The following SHISA9 variants were observed in gnomAD, a reference collection of about 807,000 sequenced individuals.
SHISA9 encodes protein shisa-9.
A neutral mutation model predicts 38.0 loss-of-function variants in SHISA9; 13 were observed. That is an observed-to-expected ratio of 0.34 (90% CI 0.22 to 0.54). SHISA9 has a LOEUF of 0.54. Ranked by LOEUF, SHISA9 falls within the 20% of genes least tolerant of loss-of-function variation. The pLI is 0.91. For missense variants in SHISA9, 538 were observed against 575.8 expected (o/e 0.93, Z 0.67); for synonymous variants, 275 against 242.0 (o/e 1.14, Z -1.27).
the SHISA9 span, among the ~76,000 whole-genome samples, chr16:13,507,885 G>A: frequency 4.6e-5 from 7 of 152,312 alleles, no homozygotes; most frequent in African/African-American, 1.2e-4. Context: ...TTCCAAAGCC[G>A]TCCGTGCCTT....
At chr16:13,143,873 T>G (rs2050424139) in intron 2 of SHISA9, among the ~76,000 whole-genome samples, 1 of 152,190 alleles carries the variant, frequency 6.6e-6, no homozygotes, top group East Asian at 1.9e-4. Flanking sequence ...TTGACCATGG[T>G]GGGGATATTT....
the SHISA9 span, among the ~76,000 whole-genome samples, chr16:13,418,975 G>A: frequency 1.3e-5 from 2 of 152,190 alleles, no homozygotes; most frequent in African/African-American, 4.8e-5. Flanking sequence ...AAATAAAGTG[G>A]GGACATCCTA....
intron 2 of SHISA9, among the ~76,000 whole-genome samples, chr16:13,113,280 A>G (rs1180317872): frequency 6.6e-6 from 1 of 151,942 alleles, no homozygotes. Flanking sequence ...CCTAAACTAA[A>G]GTGTTTTCAT....
chr16:13,427,595 A>G, the SHISA9 span, among the ~76,000 whole-genome samples: 55,193 of 152,038 alleles, frequency 0.36, 10,245 homozygotes, highest in Non-Finnish European at 0.39. Flanking sequence ...CATTCCAGGA[A>G]AAAGTAGAGG....
chr16:13,193,746 T>A (rs549877548), intron 2 of SHISA9, among the ~76,000 whole-genome samples: 1 of 152,324 alleles, frequency 6.6e-6, no homozygotes, highest in East Asian at 1.9e-4. Flanking sequence ...GGAAACCCAG[T>A]CCACACAACT....
intron 2 of SHISA9, among the ~76,000 whole-genome samples, chr16:12,988,744 C>T (rs535409757): frequency 5.9e-5 from 9 of 152,054 alleles, no homozygotes; most frequent in Admixed American, 1.3e-4. Flanking sequence ...AGGCTGATCT[C>T]GAACCCCTGA....
At chr16:13,166,213 C>G (rs1253265242) in intron 2 of SHISA9, among the ~76,000 whole-genome samples, 1 of 152,226 alleles carries the variant, frequency 6.6e-6, no homozygotes, top group Non-Finnish European at 1.5e-5. Flanking sequence ...TCTCTCAACT[C>G]TAGCAACGTC....
rs148903423 is a variant in SHISA9 at position 13,048,855 on chromosome 16, G to A, written c.691+132040G>A. Among the ~76,000 whole-genome samples, 7 of 152,336 alleles carry A rather than the reference G, an allele frequency of 4.6e-5. No homozygotes were observed. The East Asian group carries it at 1.4e-3, about 29-fold the overall frequency. ...TTATGAGATATAACTGCTTGAATATGTGAGGGATTTATTGAGTCGATCATT... is the reference window on the plus strand; with the variant it reads ...TTATGAGATATAACTGCTTGAATATATGAGGGATTTATTGAGTCGATCATT... On this transcript the variant is annotated intron_variant, in intron 2 of 4. Coordinates refer to ENST00000558583, the MANE Select transcript of SHISA9 (RefSeq NM_001145204.3).
chr16:12,987,033 G>C (rs940354923), intron 2 of SHISA9, among the ~76,000 whole-genome samples: 2 of 152,152 alleles, frequency 1.3e-5, no homozygotes, highest in African/African-American at 4.8e-5. Context: ...CTGTTTCCTG[G>C]TCATCTCAAT....
At chr16:13,528,200 G>A in the SHISA9 span, among the ~76,000 whole-genome samples, 2 of 152,036 alleles carry the variant, frequency 1.3e-5, no homozygotes, top group African/African-American at 2.4e-5. Flanking sequence ...TCATAGACCC[G>A]AGCATGAATG....
the SHISA9 span, among the ~76,000 whole-genome samples, chr16:13,394,954 T>G: frequency 1.4e-5 from 2 of 146,168 alleles, no homozygotes; most frequent in Non-Finnish European, 2.9e-5. Flanking sequence ...TGTGTGTGTG[T>G]GTGTGTGTGT....
At chr16:12,946,838 G>A (rs1165697812) in intron 2 of SHISA9, among the ~76,000 whole-genome samples, 1 of 152,244 alleles carries the variant, frequency 6.6e-6, no homozygotes, top group African/African-American at 2.4e-5. Context: ...TAGGGCAGGA[G>A]GCAGCAACTA....
the SHISA9 span, among the ~76,000 whole-genome samples, chr16:13,524,112 T>C: frequency 6.6e-6 from 1 of 152,160 alleles, no homozygotes; most frequent in Admixed American, 6.5e-5. Context: ...TATGCTATAC[T>C]GCCTTATTAA....
At chr16:13,197,102 C>CAT (rs139944963) in intron 2 of SHISA9, among the ~76,000 whole-genome samples, 13 of 146,916 alleles carry the variant, frequency 8.8e-5, no homozygotes, top group South Asian at 2.3e-4. Context: ...TCTCTCTGTA[C>CAT]ATACACACAC....
At chr16:13,509,929 A>G in the SHISA9 span, among the ~76,000 whole-genome samples, 2 of 152,158 alleles carry the variant, frequency 1.3e-5, no homozygotes, top group Non-Finnish European at 2.9e-5. Context: ...AGTGGGAATA[A>G]TAGTAGCCTC....
chr16:13,347,481 A>G, the SHISA9 span, among the ~76,000 whole-genome samples: 13 of 152,178 alleles, frequency 8.5e-5, no homozygotes, highest in Admixed American at 3.3e-4. Flanking sequence ...CTGCACTTAC[A>G]TGTCTTCCTT....
the SHISA9 span, among the ~76,000 whole-genome samples, chr16:13,536,524 C>A: frequency 1.3e-5 from 2 of 152,072 alleles, no homozygotes; most frequent in African/African-American, 4.8e-5. Flanking sequence ...ACGAATAAGC[C>A]CTAACATAGA....
intron 2 of SHISA9, among the ~76,000 whole-genome samples, chr16:12,922,169 A>G (rs2071336506): frequency 6.6e-6 from 1 of 152,244 alleles, no homozygotes; most frequent in Non-Finnish European, 1.5e-5. Flanking sequence ...GAAACTATTG[A>G]AAGATATGCT....
intron 2 of SHISA9, among the ~76,000 whole-genome samples, chr16:13,186,738 C>T (rs544300988): frequency 6.6e-6 from 1 of 152,196 alleles, no homozygotes; most frequent in East Asian, 1.9e-4. Flanking sequence ...CCCCGCTTCT[C>T]CAGCCCCTGG....
Sources: gnomAD v4.1 joint callset for allele counts (sites outside exome capture counted in the v4.1 genomes callset) on GRCh38, gnomAD v4.1.1 for gene constraint, MANE v1.5 for transcripts, NCBI Gene and HGNC (gene_info 2026-07-23, HGNC 2026-07-21) for gene names.